The following RGS6 variants were observed in gnomAD, a reference collection of about 807,000 sequenced individuals.
RGS6 encodes regulator of G protein signaling 6.
Under a neutral mutation model 78.5 loss-of-function variants are expected in RGS6, and 30 were observed. That is an observed-to-expected ratio of 0.38 (90% CI 0.29 to 0.52). RGS6 has a LOEUF of 0.52. Among genes scored for constraint, RGS6 ranks in the 20% least tolerant of loss-of-function variants. The pLI is 0.85. For missense variants in RGS6, 495 were observed against 609.7 expected (o/e 0.81, Z 1.98); for synonymous variants, 206 against 206.0 (o/e 1.00, Z 0.00).
intron 2 of RGS6, among the ~76,000 whole-genome samples, chr14:72,056,632 T>C (rs1358995266): frequency 6.6e-6 from 1 of 152,230 alleles, no homozygotes; most frequent in Non-Finnish European, 1.5e-5. Context: ...TGGATGGAAG[T>C]ATTTCTGTGC....
At chr14:72,320,852 TTAAA>T (rs1390922092) in intron 2 of RGS6, among the ~76,000 whole-genome samples, 45 of 150,592 alleles carry the variant, frequency 3.0e-4, no homozygotes, top group African/African-American at 1.0e-3. Flanking sequence ...TCAAGTATAT[TTAAA>T]TATACTTAGC....
the RGS6 span, among the ~76,000 whole-genome samples, chr14:71,871,061 G>C: frequency 7.9e-5 from 12 of 152,190 alleles, no homozygotes; most frequent in Non-Finnish European, 1.3e-4. Context: ...AGGGGTTCCA[G>C]CTGACTTGTG....
intron 2 of RGS6, among the ~76,000 whole-genome samples, chr14:72,263,264 TTA>T (rs1173788592): frequency 6.6e-6 from 1 of 152,182 alleles, no homozygotes; most frequent in Non-Finnish European, 1.5e-5. Flanking sequence ...TAGTTCATCT[TTA>T]TATGTGTAAG....
intron 2 of RGS6, among the ~76,000 whole-genome samples, chr14:72,231,741 G>T (rs1451687687): frequency 6.6e-6 from 1 of 152,212 alleles, no homozygotes; most frequent in Non-Finnish European, 1.5e-5. Flanking sequence ...GAGAGCGTGG[G>T]CTATGAATAT....
chr14:72,588,526 G>A, the RGS6 span, among the ~76,000 whole-genome samples: 1 of 152,052 alleles, frequency 6.6e-6, no homozygotes, highest in Admixed American at 6.5e-5. Flanking sequence ...TTTTGCCCAT[G>A]GACCTGGGGC....
chr14:72,595,662 T>G, the RGS6 span, among the ~76,000 whole-genome samples: 5 of 152,228 alleles, frequency 3.3e-5, no homozygotes, highest in Non-Finnish European at 7.3e-5. Flanking sequence ...AATCATGAGA[T>G]GGTGCCTGTG....
intron 6 of RGS6, among the ~76,000 whole-genome samples, chr14:72,460,561 A>C (rs1026663772): frequency 8.5e-5 from 13 of 152,194 alleles, no homozygotes; most frequent in African/African-American, 2.9e-4. Flanking sequence ...ACTTGAACTC[A>C]GATCTGAGTG....
At chr14:72,014,098 G>A (rs534585246) in intron 2 of RGS6, among the ~76,000 whole-genome samples, 7 of 152,300 alleles carry the variant, frequency 4.6e-5, no homozygotes, top group South Asian at 2.1e-4. Context: ...TACAACCACC[G>A]TGTGAGCCTT....
At chr14:72,094,580 AGAT>A (rs1211454141) in intron 2 of RGS6, among the ~76,000 whole-genome samples, 1 of 152,130 alleles carries the variant, frequency 6.6e-6, no homozygotes, top group Admixed American at 6.6e-5. Flanking sequence ...TATTTCACTT[AGAT>A]GATGATTTTT....
intron 3 of RGS6, among the ~76,000 whole-genome samples, chr14:72,396,140 G>C (rs531098305): frequency 6.6e-6 from 1 of 152,280 alleles, no homozygotes; most frequent in Non-Finnish European, 1.5e-5. Context: ...CTAGTTTACA[G>C]TCCCACCAAC....
chr14:72,190,403 T>G (rs1312578854), intron 2 of RGS6, among the ~76,000 whole-genome samples: 1 of 152,252 alleles, frequency 6.6e-6, no homozygotes, highest in Non-Finnish European at 1.5e-5. Context: ...GTGGAATGTG[T>G]GTGTGTGTGT....
intron 2 of RGS6, among the ~76,000 whole-genome samples, chr14:72,118,406 G>A (rs375371500): frequency 6.6e-6 from 1 of 152,060 alleles, no homozygotes; most frequent in East Asian, 1.9e-4. Context: ...CTGGCGTTAT[G>A]TCCATTTATA....
chr14:72,104,987 A>G (rs567138167), intron 2 of RGS6, among the ~76,000 whole-genome samples: 45 of 152,368 alleles, frequency 3.0e-4, no homozygotes, highest in African/African-American at 1.1e-3. Context: ...AGTCGAAAAC[A>G]TGTTTCTGGA....
chr14:71,956,357 G>GTGTGTGTA lies in RGS6; in HGVS notation c.-20-8414_-20-8413insGTGTGTAT, dbSNP rs1555400488. 5.5e-3 allele frequency among the ~76,000 whole-genome samples: 824 copies of GTGTGTGTA among 150,588 alleles called. 5 individuals are homozygous for GTGTGTGTA. Among genetic ancestry groups the GTGTGTGTA allele is most frequent in the African/African-American group, 0.019 (784 of 40,972 alleles). ...TGTGTGTGTGTGTGTGTGTGTGTGT[G>GTGTGTGTA]TATATTCTATTTTTATATATACAAT... On this transcript the variant is annotated intron_variant, in intron 1 of 17. Transcript: ENST00000553525.
At chr14:72,053,049 C>CTCCCT (rs1567106809) in intron 2 of RGS6, among the ~76,000 whole-genome samples, 1 of 15,400 alleles carries the variant, frequency 6.5e-5, no homozygotes, top group African/African-American at 7.0e-4. Context: ...CCCTCCCTCC[C>CTCCCT]TCCCTCCCTC....
chr14:72,256,221 G>A (rs563588188), intron 2 of RGS6, among the ~76,000 whole-genome samples: 1 of 152,268 alleles, frequency 6.6e-6, no homozygotes, highest in East Asian at 1.9e-4. Flanking sequence ...AATAGGTGCT[G>A]CTGATTGGTT....
intron 2 of RGS6, among the ~76,000 whole-genome samples, chr14:72,263,096 C>G (rs1184104603): frequency 2.0e-5 from 3 of 152,156 alleles, no homozygotes; most frequent in African/African-American, 7.2e-5. Context: ...GGCTGGCATT[C>G]CCAACAGCTG....
intron 2 of RGS6, among the ~76,000 whole-genome samples, chr14:72,014,301 G>C (rs988541505): frequency 2.6e-5 from 4 of 152,200 alleles, no homozygotes; most frequent in African/African-American, 9.6e-5. Flanking sequence ...GGATTTTGCT[G>C]TCTTCAAAGT....
At chr14:71,978,878 G>A (rs1595561788) in intron 2 of RGS6, among the ~76,000 whole-genome samples, 1 of 146,554 alleles carries the variant, frequency 6.8e-6, no homozygotes, top group Non-Finnish European at 1.5e-5. Context: ...ATTCCGCTGT[G>A]AATCCATCTG....
Sources: gnomAD v4.1 joint callset for allele counts (sites outside exome capture counted in the v4.1 genomes callset) on GRCh38, gnomAD v4.1.1 for gene constraint, MANE v1.5 for transcripts, NCBI Gene and HGNC (gene_info 2026-07-23, HGNC 2026-07-21) for gene names.